Variants in CCSER1 observed in about 807,000 individuals in gnomAD.
CCSER1 encodes coiled-coil serine rich protein 1, also known as serine-rich coiled-coil domain-containing protein 1.
Under a neutral mutation model 82.0 loss-of-function variants are expected in CCSER1, and 41 were observed. The observed-to-expected ratio is 0.50, with a 90% CI of 0.39 to 0.65. The LOEUF (loss-of-function observed/expected upper bound fraction) is 0.65, where lower values mean the gene tolerates loss of function less well. Ranked by LOEUF, CCSER1 falls within the 30% of genes least tolerant of loss-of-function variation. The pLI is 0.00. For synonymous variants in CCSER1, 414 were observed against 383.9 expected, an observed-to-expected ratio of 1.08 and a Z score of -0.92; for missense variants, 1,119 against 1,064.2, an observed-to-expected ratio of 1.05 and a Z score of -0.72.
chr4:91,362,241 G>A (rs772207267), intron 10 of CCSER1, among the ~76,000 whole-genome samples: 1 of 151,762 alleles, frequency 6.6e-6, no homozygotes, highest in African/African-American at 2.4e-5. Flanking sequence ...TCCCCTTTTT[G>A]GTAGTAGTAG....
intron 10 of CCSER1, among the ~76,000 whole-genome samples, chr4:91,295,031 C>T (rs1268569809): frequency 6.6e-6 from 1 of 152,082 alleles, no homozygotes; most frequent in Non-Finnish European, 1.5e-5. Flanking sequence ...AGACGATACT[C>T]TTAACAAGAT....
chr4:90,972,041 A>C (rs1168163585), intron 9 of CCSER1, among the ~76,000 whole-genome samples: 1 of 151,918 alleles, frequency 6.6e-6, no homozygotes, highest in East Asian at 1.9e-4. Context: ...AACATTAAAC[A>C]GTGAAAAGCT....
chr4:91,451,467 C>G (rs977186391), intron 10 of CCSER1, among the ~76,000 whole-genome samples: 1 of 151,808 alleles, frequency 6.6e-6, no homozygotes, highest in Non-Finnish European at 1.5e-5. Flanking sequence ...AAGTCCAGCA[C>G]CCAGACACAC....
intron 3 of CCSER1, among the ~76,000 whole-genome samples, chr4:90,391,504 A>AATATATATATATATATATATAT (rs70963065): frequency 4.0e-4 from 32 of 79,406 alleles, no homozygotes; most frequent in African/African-American, 7.3e-4. Flanking sequence ...ACAGTGGGTA[A>AATATATATATATATATATATAT]ATATATATAT....
At chr4:90,532,268 C>T (rs1450888971) in intron 5 of CCSER1, among the ~76,000 whole-genome samples, 6 of 152,134 alleles carry the variant, frequency 3.9e-5, no homozygotes, top group African/African-American at 1.2e-4. Context: ...AAGTGATTTC[C>T]GTATCTCTAA....
At chr4:91,177,092 T>A (rs1733471600) in intron 10 of CCSER1, among the ~76,000 whole-genome samples, 1 of 152,198 alleles carries the variant, frequency 6.6e-6, no homozygotes, top group East Asian at 1.9e-4. Context: ...GGTTTTTGTC[T>A]TCGGTTCTGT....
At chr4:91,190,862 T>G (rs1353553701) in intron 10 of CCSER1, among the ~76,000 whole-genome samples, 2 of 152,184 alleles carry the variant, frequency 1.3e-5, no homozygotes. Flanking sequence ...ATCTTGGAAT[T>G]AGGTAAAACT....
intron 10 of CCSER1, among the ~76,000 whole-genome samples, chr4:91,214,509 C>T (rs1018891639): frequency 1.3e-5 from 2 of 152,104 alleles, no homozygotes; most frequent in Admixed American, 6.5e-5. Flanking sequence ...ACTTAAAATT[C>T]TTTTATTTCT....
chr4:90,503,415 T>C (rs191685953), intron 5 of CCSER1, among the ~76,000 whole-genome samples: 2 of 152,346 alleles, frequency 1.3e-5, no homozygotes, highest in African/African-American at 4.8e-5. Flanking sequence ...TATTATTTTT[T>C]CTTTTTTTAA....
At chr4:90,936,086 C>T (rs909862955) in intron 9 of CCSER1, among the ~76,000 whole-genome samples, 19 of 151,904 alleles carry the variant, frequency 1.3e-4, no homozygotes, top group East Asian at 3.9e-4. Flanking sequence ...AAATTATTTG[C>T]GCAATGTATT....
chr4:90,534,069 G>GT (rs1467594558), intron 5 of CCSER1, among the ~76,000 whole-genome samples: 1 of 152,212 alleles, frequency 6.6e-6, no homozygotes, highest in Non-Finnish European at 1.5e-5. Context: ...TTAAGCAGTT[G>GT]TTTGATGTTT....
intron 5 of CCSER1, among the ~76,000 whole-genome samples, chr4:90,478,828 C>T (rs549253853): frequency 1.3e-5 from 2 of 151,526 alleles, no homozygotes; most frequent in East Asian, 3.9e-4. Context: ...GCAACCTCCA[C>T]CTCCCAGGTT....
At chr4:91,405,659 C>T (rs1248396760) in intron 10 of CCSER1, among the ~76,000 whole-genome samples, 2 of 152,184 alleles carry the variant, frequency 1.3e-5, no homozygotes, top group Non-Finnish European at 1.5e-5. Flanking sequence ...GGCTCCGTGG[C>T]ATTGGACCCT....
At chr4:91,468,551 G>A (rs918949758) in intron 10 of CCSER1, among the ~76,000 whole-genome samples, 3 of 151,424 alleles carry the variant, frequency 2.0e-5, no homozygotes, top group Admixed American at 6.6e-5. Flanking sequence ...TATAACCATA[G>A]GAATAGTTTT....
At chr4:91,331,490 C>T (rs779555342) in intron 10 of CCSER1, among the ~76,000 whole-genome samples, 2 of 152,050 alleles carry the variant, frequency 1.3e-5, no homozygotes, top group Middle Eastern at 3.2e-3. Flanking sequence ...GCCACAGTGA[C>T]GTTTTCCTTC....
chr4:91,563,107 T>G (rs1762728578), intron 10 of CCSER1, among the ~76,000 whole-genome samples: 1 of 151,644 alleles, frequency 6.6e-6, no homozygotes, highest in Non-Finnish European at 1.5e-5. Context: ...TACCAAACAT[T>G]TATGCCAGTC....
chr4:90,350,144 C>T (rs1743163228), intron 3 of CCSER1, among the ~76,000 whole-genome samples: 1 of 152,028 alleles, frequency 6.6e-6, no homozygotes, highest in Non-Finnish European at 1.5e-5. Flanking sequence ...ATCAAAAATA[C>T]ATGCTAGAGG....
chr4:91,583,716 G>GT (rs1346055624), intron 10 of CCSER1, among the ~76,000 whole-genome samples: 1 of 151,446 alleles, frequency 6.6e-6, no homozygotes, highest in African/African-American at 2.4e-5. Context: ...TATTATGCAT[G>GT]TTTTTATATA....
chr4:90,448,481 A>G (rs1354629709), intron 4 of CCSER1, among the ~76,000 whole-genome samples: 76 of 131,688 alleles, frequency 5.8e-4, no homozygotes, highest in African/African-American at 2.2e-3. Flanking sequence ...ATATATATAT[A>G]TATAGCACTT....
Sources: allele counts gnomAD v4.1 joint callset (sites outside exome capture counted in the v4.1 genomes callset), GRCh38; gene constraint gnomAD v4.1.1; transcripts MANE v1.5; gene names NCBI Gene and HGNC (gene_info 2026-07-23, HGNC 2026-07-21).